GPM6A: variants seen among roughly 807,000 people sequenced by gnomAD.
GPM6A encodes the protein neuronal membrane glycoprotein M6-a.
GPM6A carries 7 observed loss-of-function variants against 32.1 expected under a neutral mutation model. The ratio of observed to expected loss-of-function variants is 0.22; its 90% CI spans 0.12 to 0.41. The LOEUF (loss-of-function observed/expected upper bound fraction) is 0.41, where lower values mean the gene tolerates loss of function less well. GPM6A is among the 10% of genes least tolerant of loss of function. The probability of loss-of-function intolerance (pLI) is 1.00; values close to 1 mark genes in which losing one functional copy is unlikely to be tolerated. For missense variants in GPM6A, 235 were observed against 347.2 expected (o/e 0.68, Z 2.57); for synonymous variants, 130 against 123.4 (o/e 1.05, Z -0.35).
At chr4:175,998,911 A>ATGTAAATTCTAAATTCCTCTCG (rs1386673609) in intron 1 of GPM6A, among the ~76,000 whole-genome samples, 90 of 152,096 alleles carry the variant, frequency 5.9e-4, no homozygotes, top group African/African-American at 2.1e-3. Context: ...ACCTCCTATC[A>ATGTAAATTCTAAATTCCTCTCG]TTGCTTTTAA....
chr4:175,750,593 A>T (rs1732293670), intron 1 of GPM6A, among the ~76,000 whole-genome samples: 2 of 126,072 alleles, frequency 1.6e-5, no homozygotes, highest in South Asian at 4.6e-4. Flanking sequence ...CTTTTTTTTG[A>T]CAGGGGTCTG....
chr4:175,769,785 T>A (rs1464202471), intron 1 of GPM6A, among the ~76,000 whole-genome samples: 1 of 152,230 alleles, frequency 6.6e-6, no homozygotes, highest in East Asian at 1.9e-4. Context: ...ATATATTTCT[T>A]AGCTTTTGTT....
rs201983868 is a variant in GPM6A, at chr4:175,918,510, A to AC, written c.-23+83798_-23+83799insG. On this transcript the variant is annotated intron_variant, in intron 1 of 7. Transcript: ENST00000280187. ...GATACAGTTCCTGTCCTTAACAACA[A>AC]AAAAAAAAAGCTACAAATGAATTCT... 7.2e-3 allele frequency among the ~76,000 whole-genome samples: 1,091 copies of AC among 151,434 alleles called. 4 individuals are homozygous for AC. The highest frequency in any genetic ancestry group is 0.02 in the African/African-American group (824 of 41,316).
intron 1 of GPM6A, chr4:175,787,205 C>T: frequency 4.6e-6 from 3 of 651,418 alleles, no homozygotes; most frequent in South Asian, 3.6e-5. Flanking sequence ...ATGTGACATG[C>T]CAATTAATAA....
At chr4:175,741,619 T>C (rs1323412497) in intron 1 of GPM6A, among the ~76,000 whole-genome samples, 1 of 152,128 alleles carries the variant, frequency 6.6e-6, no homozygotes, top group Non-Finnish European at 1.5e-5. Context: ...CACACTACTT[T>C]ATATTTCTAT....
intron 2 of GPM6A, among the ~76,000 whole-genome samples, chr4:175,681,251 A>G (rs531704555): frequency 1.6e-4 from 25 of 152,298 alleles, no homozygotes; most frequent in African/African-American, 5.8e-4. Context: ...CCCATCCTCA[A>G]CAGAAGAAAG....
chr4:175,960,535 A>C (rs762258898), intron 1 of GPM6A, among the ~76,000 whole-genome samples: 2 of 152,122 alleles, frequency 1.3e-5, no homozygotes, highest in South Asian at 2.1e-4. Context: ...TCAACCCATC[A>C]CGTAGGTATT....
At chr4:175,930,295 A>G (rs945635940) in intron 1 of GPM6A, among the ~76,000 whole-genome samples, 1 of 152,120 alleles carries the variant, frequency 6.6e-6, no homozygotes, top group Non-Finnish European at 1.5e-5. Flanking sequence ...TTTTATAGTC[A>G]AGATTACTTC....
chr4:175,787,092 C>CT (rs955471560), intron 1 of GPM6A, among the ~76,000 whole-genome samples: 25 of 151,658 alleles, frequency 1.6e-4, no homozygotes, highest in East Asian at 1.4e-3. Context: ...TCCCTCTGTT[C>CT]TTTTTTTTGT....
intron 1 of GPM6A, among the ~76,000 whole-genome samples, chr4:175,821,209 A>T (rs1735268431): frequency 6.6e-6 from 1 of 152,192 alleles, no homozygotes; most frequent in African/African-American, 2.4e-5. Flanking sequence ...TTAATTATAT[A>T]TCTTAATATG....
rs555931394 is a variant in GPM6A at position 175,646,027 on chromosome 4, C to A, written c.542-5198G>T. 2.0e-5 allele frequency among the ~76,000 whole-genome samples: 3 copies of A among 152,234 alleles called. No homozygotes were observed. In the East Asian group the frequency reaches 5.8e-4, roughly 29 times the overall value. On this transcript the variant is annotated intron_variant, in intron 4 of 6. Transcript: ENST00000393658. ...CCCTTCCTCTATAGTCCATCTGCCT[C>A]TGAATGACTCCTCTCCTTTGGCCCT...
rs200981742 is a variant in GPM6A, at chr4:175,655,439, TAATA to T, written c.388-3456_388-3453del. Among the ~76,000 whole-genome samples the T allele has an allele frequency of 4.4e-3, 665 of 152,208 alleles. 14 individuals carry two copies. Among genetic ancestry groups the T allele is most frequent in the Admixed American group, 0.041 (620 of 15,274 alleles). ...ATCCTACGTAGAAAATCTTTTTATG[TAATA>T]AATAAAATATTGCATAATTATAAAT... On this transcript the variant is annotated intron_variant, in intron 3 of 6. Coordinates refer to ENST00000393658, the MANE Select transcript of GPM6A (RefSeq NM_201591.3).
intron 1 of GPM6A, among the ~76,000 whole-genome samples, chr4:175,979,002 T>G (rs1291758473): frequency 1.3e-5 from 2 of 152,176 alleles, no homozygotes; most frequent in Middle Eastern, 3.4e-3. Context: ...TCTGGAAACC[T>G]TGCTTTAAAA....
At chr4:175,995,274 C>T (rs1256374616) in intron 1 of GPM6A, among the ~76,000 whole-genome samples, 1 of 150,848 alleles carries the variant, frequency 6.6e-6, no homozygotes, top group Non-Finnish European at 1.5e-5. Flanking sequence ...TGTCCAGATC[C>T]ATTAGAGGAA....
chr4:175,860,571 A>G (rs1201000475), intron 1 of GPM6A, among the ~76,000 whole-genome samples: 2 of 152,182 alleles, frequency 1.3e-5, no homozygotes, highest in Admixed American at 6.5e-5. Flanking sequence ...TTCCAAAAGC[A>G]AAGATGAGAG....
intron 1 of GPM6A, among the ~76,000 whole-genome samples, chr4:175,933,719 T>C (rs1440981909): frequency 6.6e-6 from 1 of 152,166 alleles, no homozygotes; most frequent in Non-Finnish European, 1.5e-5. Flanking sequence ...ATTTTTTTTG[T>C]ATTTTTAGTG....
chr4:175,953,317 G>C (rs1739879476), intron 1 of GPM6A, among the ~76,000 whole-genome samples: 1 of 152,092 alleles, frequency 6.6e-6, no homozygotes, highest in Non-Finnish European at 1.5e-5. Context: ...CAGAGAAGTA[G>C]TCTAAGGGAA....
At chr4:175,900,144 G>T (rs1737912469) in intron 1 of GPM6A, among the ~76,000 whole-genome samples, 1 of 151,698 alleles carries the variant, frequency 6.6e-6, no homozygotes, top group Admixed American at 6.6e-5. Flanking sequence ...GTGGTGGTGG[G>T]CACCTGTAAT....
At chr4:175,702,160 C>G (rs895428944) in intron 1 of GPM6A, among the ~76,000 whole-genome samples, 1 of 152,054 alleles carries the variant, frequency 6.6e-6, no homozygotes, top group Admixed American at 6.5e-5. Flanking sequence ...CTCTGTGTAT[C>G]TGCATTTTTC....
Sources: allele counts gnomAD v4.1 joint callset (sites outside exome capture counted in the v4.1 genomes callset), GRCh38; gene constraint gnomAD v4.1.1; transcripts MANE v1.5; gene names NCBI Gene and HGNC (gene_info 2026-07-23, HGNC 2026-07-21).